The following GRM5 variants were observed in gnomAD, a reference collection of about 807,000 sequenced individuals.
GRM5 encodes metabotropic glutamate receptor 5.
Under a neutral mutation model 83.1 loss-of-function variants are expected in GRM5, and 19 were observed. The ratio of observed to expected loss-of-function variants is 0.23; its 90% CI spans 0.16 to 0.34. GRM5 has a LOEUF of 0.34. GRM5 is among the 10% of genes least tolerant of loss of function. GRM5 has a pLI of 1.00. For missense variants in GRM5, 1,160 were observed against 1,588.3 expected (o/e 0.73, Z 4.58); for synonymous variants, 675 against 633.6 (o/e 1.07, Z -0.98).
chr11:88,773,083 C>T (rs2135452122), intron 3 of GRM5, among the ~76,000 whole-genome samples: 1 of 152,276 alleles, frequency 6.6e-6, no homozygotes, highest in East Asian at 1.9e-4. Flanking sequence ...AAAAGCATTC[C>T]TATTTCTCCA....
chr11:88,742,292 A>G (rs1241064479), intron 3 of GRM5, among the ~76,000 whole-genome samples: 1 of 152,042 alleles, frequency 6.6e-6, no homozygotes, highest in Non-Finnish European at 1.5e-5. Flanking sequence ...CCTCAAAACA[A>G]TTTTCTGAAA....
chr11:89,045,146 T>A (rs918024514), intron 2 of GRM5, among the ~76,000 whole-genome samples: 9 of 152,190 alleles, frequency 5.9e-5, no homozygotes, highest in Non-Finnish European at 1.3e-4. Context: ...CTCTCCTGAA[T>A]CCTGGTGGTA....
chr11:88,603,342 A>G (rs1278103548), intron 5 of GRM5, among the ~76,000 whole-genome samples: 2 of 152,178 alleles, frequency 1.3e-5, no homozygotes, highest in Non-Finnish European at 2.9e-5. Flanking sequence ...ATCAGATTCT[A>G]TCAGCAAGTC....
chr11:88,981,838 G>T (rs1461401694), intron 2 of GRM5, among the ~76,000 whole-genome samples: 1 of 152,128 alleles, frequency 6.6e-6, no homozygotes, highest in Non-Finnish European at 1.5e-5. Flanking sequence ...ACAGCTATAA[G>T]GGTTAAATTA....
At chr11:88,594,204 T>C (rs191542805) in intron 6 of GRM5, among the ~76,000 whole-genome samples, 64 of 152,348 alleles carry the variant, frequency 4.2e-4, no homozygotes, top group African/African-American at 1.3e-3. Flanking sequence ...AAATTATGAA[T>C]ATGGATATTC....
intron 3 of GRM5, among the ~76,000 whole-genome samples, chr11:88,672,599 A>C (rs576188310): frequency 1.1e-4 from 17 of 152,108 alleles, no homozygotes; most frequent in African/African-American, 4.1e-4. Flanking sequence ...TACAAAAGTA[A>C]GGATAATTTT....
At chr11:88,629,866 A>T (rs906459164) in intron 4 of GRM5, among the ~76,000 whole-genome samples, 3 of 152,160 alleles carry the variant, frequency 2.0e-5, no homozygotes, top group Admixed American at 2.0e-4. Context: ...TTCATGTCTC[A>T]ATTGAGTAAA....
At position 88,746,985 on chromosome 11, in the gene GRM5, T is replaced by C. The variant is rs117761094; in HGVS notation, c.912-93582A>G. On this transcript the variant is annotated intron_variant, in intron 3 of 9. Coordinates refer to ENST00000305447, the MANE Select transcript of GRM5 (RefSeq NM_001143831.3). ...AAACAGAATTTTTAAAAATGTCATA[T>C]ATTATTTTTTACTTTGAAATGAACA... Among the ~76,000 whole-genome samples the C allele has an allele frequency of 1.8e-3, 281 of 152,288 alleles. 9 individuals are homozygous for C. In the East Asian group the frequency reaches 0.048, roughly 26 times the overall value.
intron 2 of GRM5, among the ~76,000 whole-genome samples, chr11:89,028,337 C>T (rs113749056): frequency 2.0e-3 from 311 of 152,296 alleles, no homozygotes; most frequent in Admixed American, 6.5e-3. Context: ...AATGCCAACA[C>T]TTTGGGAGGC....
chr11:88,980,331 A>T (rs552857349), intron 2 of GRM5, among the ~76,000 whole-genome samples: 1 of 152,182 alleles, frequency 6.6e-6, no homozygotes, highest in African/African-American at 2.4e-5. Flanking sequence ...TTGTTAATGA[A>T]ATTAAGAGAG....
At chr11:88,706,469 T>G (rs1941160537) in intron 3 of GRM5, among the ~76,000 whole-genome samples, 2 of 152,114 alleles carry the variant, frequency 1.3e-5, no homozygotes, top group African/African-American at 4.8e-5. Context: ...TATCTCTGTA[T>G]TACTATCCTC....
At chr11:88,573,994 G>A (rs776523097) in intron 7 of GRM5, among the ~76,000 whole-genome samples, 12 of 152,284 alleles carry the variant, frequency 7.9e-5, no homozygotes, top group Middle Eastern at 3.4e-3. Context: ...GTGGGTGTCT[G>A]TGTGTGCTGT....
chr11:88,744,555 C>G (rs1942093080), intron 3 of GRM5, among the ~76,000 whole-genome samples: 1 of 152,136 alleles, frequency 6.6e-6, no homozygotes, highest in Non-Finnish European at 1.5e-5. Context: ...GCCTTTCACA[C>G]ACCCCACCTT....
At chr11:88,687,069 T>C (rs1940646005) in intron 3 of GRM5, among the ~76,000 whole-genome samples, 2 of 152,146 alleles carry the variant, frequency 1.3e-5, no homozygotes, top group African/African-American at 4.8e-5. Flanking sequence ...CATTTGGCTA[T>C]TTCCTCCCCA....
chr11:88,561,042 G>A (rs1279223346), intron 8 of GRM5, among the ~76,000 whole-genome samples: 1 of 152,068 alleles, frequency 6.6e-6, no homozygotes, highest in Non-Finnish European at 1.5e-5. Context: ...AGAGATAGAA[G>A]GAAAAGGTGG....
At chr11:88,538,098 GAA>G (rs749412993) in intron 8 of GRM5, among the ~76,000 whole-genome samples, 170 of 125,792 alleles carry the variant, frequency 1.4e-3, no homozygotes, top group South Asian at 3.9e-3. Context: ...ATAGAAAACA[GAA>G]AAAAAAAAAA....
chr11:88,803,773 C>T (rs1399008827), intron 3 of GRM5, among the ~76,000 whole-genome samples: 8 of 151,910 alleles, frequency 5.3e-5, no homozygotes, highest in Non-Finnish European at 7.4e-5. Context: ...AGAAAATTTT[C>T]GCAACCTACT....
Position 88,655,352 on chromosome 11 carries a change from G to C in GRM5, c.912-1949C>G, listed in dbSNP as rs1477992022. Among the ~76,000 whole-genome samples the C allele has an allele frequency of 2.6e-5, 4 of 151,914 alleles. No individual in the cohort carries two copies. The South Asian group carries it at 8.3e-4, about 32-fold the overall frequency. ...AGTGTGGGTCTCATTGGCACTCGAG[G>C]AGCAGCATGGGCGTGTTGCAAATGG... On this transcript the variant is annotated intron_variant, in intron 3 of 9. Coordinates refer to ENST00000305447, the MANE Select transcript of GRM5 (RefSeq NM_001143831.3).
Position 88,919,253 on chromosome 11 carries a change from TATATC to T in GRM5, c.662-69103_662-69099del, listed in dbSNP as rs1565291799. On this transcript the variant is annotated intron_variant, in intron 2 of 9. Transcript: ENST00000305447. The stretch of plus-strand genomic sequence containing the variant: ...GCAGGAGTAGCTATATATATATATA[TATATC>T]GGATAAAATAGATTTTAAGACAATA... Among the ~76,000 whole-genome samples the T allele has an allele frequency of 1.5e-4, 14 of 92,270 alleles. 4 individuals carry two copies. Among genetic ancestry groups the T allele is most frequent in the Admixed American group, 5.7e-4 (5 of 8,768 alleles). The allele number at this position is 92,270 out of a possible 152,430, so 60.5% of individuals were successfully genotyped here. A position where few individuals can be genotyped will look rare whatever the true frequency, so the allele number is the denominator to read the frequency against.
Sources: allele counts gnomAD v4.1 joint callset (sites outside exome capture counted in the v4.1 genomes callset), GRCh38; gene constraint gnomAD v4.1.1; transcripts MANE v1.5; gene names NCBI Gene and HGNC (gene_info 2026-07-23, HGNC 2026-07-21).